The following CPNE4 variants were observed in gnomAD, a reference collection of about 807,000 sequenced individuals.
The protein encoded by CPNE4 is copine-4.
A neutral mutation model predicts 67.9 loss-of-function variants in CPNE4; 25 were observed. That is an observed-to-expected ratio of 0.37 (90% confidence interval 0.27 to 0.51). CPNE4 has a LOEUF of 0.51. Among genes scored for constraint, CPNE4 ranks in the 20% least tolerant of loss-of-function variants. The pLI is 0.93. For missense variants in CPNE4, 464 were observed against 690.8 expected (o/e 0.67, Z 3.68); for synonymous variants, 242 against 244.9 (o/e 0.99, Z 0.11).
intron 7 of CPNE4, among the ~76,000 whole-genome samples, chr3:131,600,900 T>C (rs1049113655): frequency 2.6e-5 from 4 of 152,216 alleles, no homozygotes; most frequent in African/African-American, 9.6e-5. Context: ...CTGTGGACTT[T>C]GCTACTTTTT....
chr3:131,712,122 A>G (rs1027581634), intron 3 of CPNE4, among the ~76,000 whole-genome samples: 3 of 152,230 alleles, frequency 2.0e-5, no homozygotes, highest in African/African-American at 7.2e-5. Context: ...TTGTTTAAAA[A>G]TCTACACAAT....
rs865921064 is a variant in CPNE4 at position 131,661,942 on chromosome 3, C to T, written c.681+7733G>A. ...CGTGAAATGTTGATGTAATTCATAT[C>T]TAATGATTAAAGCCCTTTCTATGGG... On this transcript the variant is annotated intron_variant, in intron 7 of 15. Transcript: ENST00000429747. 9.9e-5 allele frequency among the ~76,000 whole-genome samples: 15 copies of T among 152,104 alleles called. 1 individual carries two copies. The highest frequency in any genetic ancestry group is 4.2e-4 in the South Asian group (2 of 4,810).
intron 1 of CPNE4, among the ~76,000 whole-genome samples, chr3:131,947,895 T>C (rs949131169): frequency 1.3e-5 from 2 of 152,146 alleles, no homozygotes; most frequent in Non-Finnish European, 2.9e-5. Context: ...CTCACCAGCA[T>C]GATCAGTTTT....
chr3:131,573,256 A>C (rs938076868), intron 10 of CPNE4, among the ~76,000 whole-genome samples: 1 of 152,056 alleles, frequency 6.6e-6, no homozygotes, highest in Non-Finnish European at 1.5e-5. Flanking sequence ...TCCTTGCTCC[A>C]GACTGCTCTC....
intron 10 of CPNE4, among the ~76,000 whole-genome samples, chr3:131,570,017 C>T (rs972930500): frequency 1.1e-4 from 17 of 151,386 alleles, no homozygotes; most frequent in African/African-American, 7.3e-5. Flanking sequence ...CTCTGCTTTA[C>T]GTTTTTGTAA....
chr3:131,685,020 T>C (rs1459101267), intron 6 of CPNE4, among the ~76,000 whole-genome samples: 3 of 152,226 alleles, frequency 2.0e-5, no homozygotes, highest in African/African-American at 4.8e-5. Flanking sequence ...GTGCAATGTA[T>C]GTACTTTCCC....
At chr3:131,999,102 G>T (rs1211124727) in intron 1 of CPNE4, among the ~76,000 whole-genome samples, 2 of 151,830 alleles carry the variant, frequency 1.3e-5, no homozygotes, top group African/African-American at 4.8e-5. Flanking sequence ...TTCATACACA[G>T]AAAATAGCAT....
intron 2 of CPNE4, among the ~76,000 whole-genome samples, chr3:131,902,521 G>GA (rs2088592472): frequency 6.6e-6 from 1 of 151,992 alleles, no homozygotes; most frequent in Non-Finnish European, 1.5e-5. Context: ...ATTTCAAAGT[G>GA]AAAAAATTGA....
chr3:131,650,553 C>T (rs974854631), intron 7 of CPNE4, among the ~76,000 whole-genome samples: 5 of 142,204 alleles, frequency 3.5e-5, no homozygotes, highest in Admixed American at 1.3e-4. Flanking sequence ...GTCGGGAGAT[C>T]GAGACCACGG....
chr3:131,880,174 T>A (rs550581642), intron 2 of CPNE4, among the ~76,000 whole-genome samples: 4 of 150,036 alleles, frequency 2.7e-5, no homozygotes, highest in Non-Finnish European at 4.4e-5. Flanking sequence ...TTGCCCAGGC[T>A]GCAGTGCAGT....
At chr3:131,948,649 G>T (rs2071631211) in intron 1 of CPNE4, among the ~76,000 whole-genome samples, 1 of 152,200 alleles carries the variant, frequency 6.6e-6, no homozygotes, top group Admixed American at 6.5e-5. Context: ...TATGGGGAAA[G>T]CCTTCAATCT....
chr3:131,547,455 CAAAAAAAAAAAAAAAAAAAAAAAAAA>C lies in CPNE4; in HGVS notation c.1302+2466_1302+2491del, dbSNP rs56412825. 1.6e-3 allele frequency among the ~76,000 whole-genome samples: 60 copies of C among 36,544 alleles called. 2 individuals are homozygous for C. The highest frequency in any genetic ancestry group is 7.4e-3 in the South Asian group (6 of 812). The allele number at this position is 36,544 out of a possible 152,430, so 24.0% of individuals were successfully genotyped here. A position where few individuals can be genotyped will look rare whatever the true frequency, so the allele number is the denominator to read the frequency against. On this transcript the variant is annotated intron_variant, in intron 14 of 15. Coordinates refer to ENST00000429747, the MANE Select transcript of CPNE4 (RefSeq NM_130808.3). ...TGGGTGATAGACCAAGACCCTGTCG[CAAAAAAAAAAAAAAAAAAAAAAAAAA>C]AAAAAAAAAAAAAAAAAAAACCTAA...
chr3:131,816,423 G>A (rs994230921), intron 2 of CPNE4, among the ~76,000 whole-genome samples: 5 of 152,258 alleles, frequency 3.3e-5, no homozygotes, highest in Middle Eastern at 3.4e-3. Flanking sequence ...GGAATTTTTG[G>A]ATGGATTTAA....
intron 1 of CPNE4, among the ~76,000 whole-genome samples, chr3:132,010,180 G>A (rs966817525): frequency 6.6e-6 from 1 of 152,170 alleles, no homozygotes; most frequent in African/African-American, 2.4e-5. Flanking sequence ...CCTAACTTCA[G>A]TGAATCTCAG....
chr3:131,958,969 T>C (rs1372588182), intron 1 of CPNE4, among the ~76,000 whole-genome samples: 2 of 27,788 alleles, frequency 7.2e-5, no homozygotes, highest in Non-Finnish European at 1.2e-4. Flanking sequence ...GATACACCTT[T>C]CTTTTTTTTT....
chr3:131,997,858 A>C (rs989928628), intron 1 of CPNE4, among the ~76,000 whole-genome samples: 3 of 152,166 alleles, frequency 2.0e-5, no homozygotes, highest in Non-Finnish European at 4.4e-5. Flanking sequence ...AAAGGTAGAA[A>C]GTTTTTGAGT....
At position 131,794,497 on chromosome 3, in the gene CPNE4, C is replaced by T. The variant is rs141852391; in HGVS notation, c.181-70872G>A. Among the ~76,000 whole-genome samples, 12 of 152,288 alleles carry T rather than the reference C, an allele frequency of 7.9e-5. No homozygotes were observed. In the East Asian group the frequency reaches 2.3e-3, roughly 29 times the overall value. On this transcript the variant is annotated intron_variant, in intron 2 of 15. Transcript: ENST00000429747. The stretch of plus-strand genomic sequence containing the variant: ...TGACCTTGTGATCCACCCACCTCGG[C>T]CTCCCAAAGTGCTGGGATTACTGGC...
intron 1 of CPNE4, among the ~76,000 whole-genome samples, chr3:131,969,689 T>C (rs1363242858): frequency 6.6e-6 from 1 of 152,208 alleles, no homozygotes; most frequent in African/African-American, 2.4e-5. Context: ...GGGTGCTTTA[T>C]AGATTAAAGT....
chr3:131,722,347 C>T (rs1443253708), intron 3 of CPNE4, among the ~76,000 whole-genome samples: 1 of 152,102 alleles, frequency 6.6e-6, no homozygotes, highest in Non-Finnish European at 1.5e-5. Flanking sequence ...GGAAGGGGCC[C>T]ACATGAGAGA....
Sources: gnomAD v4.1 joint callset for allele counts (sites outside exome capture counted in the v4.1 genomes callset) on GRCh38, gnomAD v4.1.1 for gene constraint, MANE v1.5 for transcripts, NCBI Gene and HGNC (gene_info 2026-07-23, HGNC 2026-07-21) for gene names.